Variants in TBC1D1 observed in about 807,000 individuals in gnomAD.
The protein encoded by TBC1D1 is TBC1 (tre-2/USP6, BUB2, cdc16) domain family, member 1.
A neutral mutation model predicts 125.6 loss-of-function variants in TBC1D1; 89 were observed. The observed-to-expected ratio is 0.71, with a 90% confidence interval of 0.60 to 0.85. The LOEUF is 0.85. Among genes scored for constraint, TBC1D1 ranks in the 40% least tolerant of loss-of-function variants. The pLI, the probability that TBC1D1 is intolerant of heterozygous loss-of-function variation, is 0.00. For missense variants in TBC1D1, 1,377 were observed against 1,469.2 expected, an observed-to-expected ratio of 0.94 and a Z score of 1.03; for synonymous variants, 565 against 564.1, an observed-to-expected ratio of 1.00 and a Z score of -0.02.
intron 1 of TBC1D1, among the ~76,000 whole-genome samples, chr4:37,901,376 C>G (rs992024490): frequency 6.6e-6 from 1 of 152,042 alleles, no homozygotes; most frequent in Non-Finnish European, 1.5e-5. Flanking sequence ...AGGCTGGTCT[C>G]AAACTCCTGA....
intron 2 of TBC1D1, among the ~76,000 whole-genome samples, chr4:37,908,838 G>A (rs1717921469): frequency 6.6e-6 from 1 of 152,206 alleles, no homozygotes; most frequent in Non-Finnish European, 1.5e-5. Flanking sequence ...GGTGGAGCGG[G>A]GGAGAGTGAA....
intron 2 of TBC1D1, chr4:38,006,952 C>T (rs1740402513): frequency 2.3e-6 from 1 of 436,356 alleles, no homozygotes; most frequent in Non-Finnish European, 4.6e-6. Context: ...CATCTGGATA[C>T]CCAGTCATAA....
intron 19 of TBC1D1, among the ~76,000 whole-genome samples, chr4:38,133,546 G>A (rs192863417): frequency 5.4e-4 from 82 of 152,326 alleles, no homozygotes; most frequent in Non-Finnish European, 1.0e-3. Flanking sequence ...TCAGGATGCC[G>A]TGGCCTGTTA....
chr4:37,989,605 T>A (rs1736141265), intron 2 of TBC1D1, among the ~76,000 whole-genome samples: 1 of 152,382 alleles, frequency 6.6e-6, no homozygotes, highest in South Asian at 2.1e-4. Flanking sequence ...ATTTAGATTC[T>A]TTCTGTTGTT....
Position 37,964,064 on chromosome 4 carries a change from C to T in TBC1D1, c.418-50445C>T, listed in dbSNP as rs1730591654. The stretch of plus-strand genomic sequence containing the variant: ...TGTATGGGCCTGCTGGACCATAAGA[C>T]GTTCCTGCAGGGGCAGGTGGCTTGC... On this transcript the variant is annotated intron_variant, in intron 2 of 19. Transcript: ENST00000261439. Among the ~76,000 whole-genome samples the T allele has an allele frequency of 1.3e-5, 2 of 152,190 alleles. 1 individual carries two copies. Among genetic ancestry groups the T allele is most frequent in the South Asian group, 4.1e-4 (2 of 4,830 alleles).
intron 2 of TBC1D1, among the ~76,000 whole-genome samples, chr4:37,980,432 C>T (rs1173333236): frequency 6.6e-6 from 1 of 152,206 alleles, no homozygotes; most frequent in Non-Finnish European, 1.5e-5. Context: ...ATGTCCCCAA[C>T]AACCTGTCAG....
At position 37,999,243 on chromosome 4, in the gene TBC1D1, G is replaced by A. The variant is rs995961665; in HGVS notation, c.418-15266G>A. On this transcript the variant is annotated intron_variant, in intron 2 of 19. Coordinates refer to ENST00000261439, the MANE Select transcript of TBC1D1 (RefSeq NM_015173.4). ...CTCCAGCCTGGGTGAGTGAGACTCCGTCTCAAAACAAACAAAAACAGAAGA... is the reference window on the plus strand; with the variant it reads ...CTCCAGCCTGGGTGAGTGAGACTCCATCTCAAAACAAACAAAAACAGAAGA... 4.6e-5 allele frequency among the ~76,000 whole-genome samples: 7 copies of A among 152,226 alleles called. 1 individual carries two copies. The highest frequency in any genetic ancestry group is 2.0e-4 in the Admixed American group (3 of 15,298).
chr4:38,057,411 C>G (rs1751929494), intron 12 of TBC1D1, among the ~76,000 whole-genome samples: 2 of 152,206 alleles, frequency 1.3e-5, no homozygotes, highest in Non-Finnish European at 2.9e-5. Context: ...CTTTGTCACC[C>G]ATCTCCGGCA....
At chr4:37,974,656 C>T (rs1188182054) in intron 2 of TBC1D1, among the ~76,000 whole-genome samples, 2 of 152,178 alleles carry the variant, frequency 1.3e-5, no homozygotes, top group African/African-American at 2.4e-5. Flanking sequence ...CTCCCGGGTT[C>T]CAGTGATTCT....
chr4:38,045,004 C>T (rs1560681318), intron 9 of TBC1D1, among the ~76,000 whole-genome samples: 1 of 152,204 alleles, frequency 6.6e-6, no homozygotes, highest in Non-Finnish European at 1.5e-5. Context: ...TTTTTGCAGA[C>T]TTCAGCAGTT....
intron 2 of TBC1D1, among the ~76,000 whole-genome samples, chr4:37,976,215 G>A (rs533985192): frequency 6.6e-6 from 1 of 152,308 alleles, no homozygotes; most frequent in African/African-American, 2.4e-5. Context: ...AGCAGCTTGC[G>A]AGGAACTAAA....
At chr4:37,923,780 A>G (rs190514807) in intron 2 of TBC1D1, among the ~76,000 whole-genome samples, 304 of 151,232 alleles carry the variant, frequency 2.0e-3, no homozygotes, top group African/African-American at 6.9e-3. Context: ...CCCAGGTTCA[A>G]GTGATTCTCC....
intron 2 of TBC1D1, among the ~76,000 whole-genome samples, chr4:38,007,976 C>T (rs1018058920): frequency 7.2e-5 from 11 of 152,166 alleles, no homozygotes; most frequent in African/African-American, 2.4e-4. Context: ...TTGAAAACTG[C>T]GGGAGTGAGG....
At chr4:38,132,330 T>C (rs921300722) in intron 18 of TBC1D1, among the ~76,000 whole-genome samples, 9 of 152,166 alleles carry the variant, frequency 5.9e-5, no homozygotes, top group Non-Finnish European at 8.8e-5. Flanking sequence ...AGGAAATGCC[T>C]TGGGCAGCAG....
intron 2 of TBC1D1, among the ~76,000 whole-genome samples, chr4:37,922,787 T>C (rs1721284744): frequency 6.6e-6 from 1 of 152,166 alleles, no homozygotes; most frequent in African/African-American, 2.4e-5. Context: ...CCTATTCTGC[T>C]GCCCTGGCCT....
chr4:38,110,295 C>T lies in TBC1D1; in HGVS notation c.2558-5415C>T. The T allele has an allele frequency of 4.1e-6, 4 of 983,718 alleles. No individual in the cohort carries two copies. In the South Asian group the frequency reaches 1.4e-4, roughly 35 times the overall value. 60.9% of individuals were successfully genotyped at this position (983,718 alleles called of 1,614,324 possible). ...TTGAGGGGCTTGTGAAAAACACATC[C>T]CTGAGGTCACCATTCTTGACCTGCT... On this transcript the variant is annotated intron_variant, in intron 15 of 19. Transcript: ENST00000261439.
chr4:38,008,063 A>T (rs970755515), intron 2 of TBC1D1, among the ~76,000 whole-genome samples: 1 of 152,236 alleles, frequency 6.6e-6, no homozygotes, highest in Non-Finnish European at 1.5e-5. Flanking sequence ...GGCCATTCCC[A>T]TGTGCAGGCA....
chr4:37,941,926 G>T (rs1725658913), intron 2 of TBC1D1, among the ~76,000 whole-genome samples: 1 of 152,232 alleles, frequency 6.6e-6, no homozygotes, highest in African/African-American at 2.4e-5. Flanking sequence ...CATTTGCTAA[G>T]GAGTGCTTTA....
intron 12 of TBC1D1, among the ~76,000 whole-genome samples, chr4:38,065,553 A>G (rs144590948): frequency 8.5e-5 from 13 of 152,300 alleles, no homozygotes; most frequent in African/African-American, 2.9e-4. Context: ...TCAGATATTA[A>G]TAATAGCCAT....
Sources: gnomAD v4.1 joint callset for allele counts (sites outside exome capture counted in the v4.1 genomes callset) on GRCh38, gnomAD v4.1.1 for gene constraint, MANE v1.5 for transcripts, NCBI Gene and HGNC (gene_info 2026-07-23, HGNC 2026-07-21) for gene names.